The following CLEC16A variants were observed in gnomAD, a reference collection of about 807,000 sequenced individuals.
The protein encoded by CLEC16A is C-type lectin domain containing 16A.
Under a neutral mutation model 109.5 loss-of-function variants are expected in CLEC16A, and 51 were observed. That is an observed-to-expected ratio of 0.47 (90% CI 0.37 to 0.59). The LOEUF (loss-of-function observed/expected upper bound fraction) is 0.59, where lower values mean the gene tolerates loss of function less well. CLEC16A is among the 20% of genes least tolerant of loss of function. The pLI is 0.00. For synonymous variants in CLEC16A, 673 were observed against 564.2 expected (o/e 1.19, Z -2.73); for missense variants, 1,339 against 1,394.0 (o/e 0.96, Z 0.63).
intron 19 of CLEC16A, among the ~76,000 whole-genome samples, chr16:11,099,690 G>C (rs867936932): frequency 2.3e-4 from 35 of 152,270 alleles, no homozygotes; most frequent in Middle Eastern, 3.4e-3. Flanking sequence ...GGGCCCAGGC[G>C]TCCTCGTCTG....
intron 4 of CLEC16A, 133 bp from the exon 5 acceptor site, chr16:10,970,992 G>A (rs892337568): frequency 3.8e-5 from 24 of 626,748 alleles, no homozygotes; most frequent in African/African-American, 1.5e-4. Flanking sequence ...ACTGACTTAC[G>A]GTTCACATTG....
chr16:11,048,033 GTC>G (rs1403194548), intron 17 of CLEC16A: 1 of 152,260 alleles, frequency 6.6e-6, no homozygotes, highest in African/African-American at 2.4e-5. Flanking sequence ...ATTCTCATGT[GTC>G]TCACCATTCA....
intron 16 of CLEC16A, among the ~76,000 whole-genome samples, chr16:11,044,579 C>G (rs1412753939): frequency 6.6e-6 from 1 of 152,186 alleles, no homozygotes; most frequent in Non-Finnish European, 1.5e-5. Context: ...GCCACCATGA[C>G]TTTCAGTATC....
chr16:11,055,295 C>G (rs1358429800), intron 18 of CLEC16A, among the ~76,000 whole-genome samples: 3 of 152,210 alleles, frequency 2.0e-5, no homozygotes, highest in East Asian at 3.8e-4. Context: ...GAGGAGCGCT[C>G]CTCCTGCAGA....
At chr16:11,060,191 C>T (rs1369687748) in intron 18 of CLEC16A, among the ~76,000 whole-genome samples, 1 of 152,202 alleles carries the variant, frequency 6.6e-6, no homozygotes, top group African/African-American at 2.4e-5. Flanking sequence ...CACCTGTGCC[C>T]CTGGTCTGCT....
In CLEC16A at chr16:11,039,694, C is replaced by T. The variant is rs990341396; in HGVS notation, c.1538-60C>T. ...GGAAACCCCACTCTACAGGACCTTT[C>T]GGTATGAGGAGGTCAGGTAGTCAGG... On this transcript the variant is annotated intron_variant, in intron 13 of 23. Coordinates refer to ENST00000409790, the MANE Select transcript of CLEC16A (RefSeq NM_015226.3). The T allele has an allele frequency of 2.4e-5, 37 of 1,537,960 alleles. No homozygotes were observed. The Middle Eastern group carries it at 5.1e-4, about 21-fold the overall frequency.
chr16:11,123,645 T>C lies in CLEC16A; in HGVS notation c.2269-97T>C, dbSNP rs187542478. The C allele has an allele frequency of 2.6e-6, 3 of 1,153,730 alleles. No homozygotes were observed. In the East Asian group the frequency reaches 7.1e-5, roughly 27 times the overall value. The allele number at this position is 1,153,730 out of a possible 1,614,324, so 71.5% of individuals were successfully genotyped here. ...CTTAGATCAAAAGCAGAGATGAATTTGGAGACCTCTTTCTAGATGCCTCAT... is the reference window on the plus strand; with the variant it reads ...CTTAGATCAAAAGCAGAGATGAATTCGGAGACCTCTTTCTAGATGCCTCAT... On this transcript the variant is annotated intron_variant, in intron 20 of 23. Transcript: ENST00000409790.
At chr16:11,068,040 G>A (rs1479803741) in intron 19 of CLEC16A, among the ~76,000 whole-genome samples, 1 of 152,222 alleles carries the variant, frequency 6.6e-6, no homozygotes, top group Non-Finnish European at 1.5e-5. Context: ...TTCCAGGCCA[G>A]GACTTGCCTG....
rs563308182 is a variant in CLEC16A at position 11,088,013 on chromosome 16, C to A, written c.2116+26991C>A. 1.6e-4 allele frequency among the ~76,000 whole-genome samples: 25 copies of A among 152,360 alleles called. No individual in the cohort carries two copies. In the South Asian group the frequency reaches 4.6e-3, roughly 28 times the overall value. The stretch of plus-strand genomic sequence containing the variant: ...CCTCTGCAGCCTGAGAGTTTCAGAG[C>A]TCTTGCTACCTTCAGATCCTCTTTC... On this transcript the variant is annotated intron_variant, in intron 19 of 23. Coordinates refer to ENST00000409790, the MANE Select transcript of CLEC16A (RefSeq NM_015226.3).
chr16:11,179,124 T>G lies in CLEC16A; in HGVS notation c.*434T>G, dbSNP rs960247076. 6.0e-6 allele frequency: 1 copy of G among 166,548 alleles called. No homozygotes were observed. Among genetic ancestry groups the G allele is most frequent in the African/African-American group, 2.4e-5 (1 of 42,092 alleles). 10.3% of individuals were successfully genotyped at this position (166,548 alleles called of 1,614,324 possible). A position where few individuals can be genotyped will look rare whatever the true frequency, so the allele number is the denominator to read the frequency against. On this transcript the variant is annotated 3_prime_UTR_variant, in exon 24 of 24. Coordinates refer to ENST00000409790, the MANE Select transcript of CLEC16A (RefSeq NM_015226.3). The stretch of plus-strand genomic sequence containing the variant: ...AAGCAGACTTAGATAAACATCTCCT[T>G]TGGATATTTATTTCCGCTTTTGGCA...
chr16:11,054,370 C>T (rs547332388), intron 18 of CLEC16A, among the ~76,000 whole-genome samples: 1 of 152,334 alleles, frequency 6.6e-6, no homozygotes, highest in African/African-American at 2.4e-5. Context: ...GAGGACTCGG[C>T]AGCAAGCCAA....
At chr16:11,127,428 T>G (rs7201415) in intron 22 of CLEC16A, among the ~76,000 whole-genome samples, 106,751 of 152,036 alleles carry the variant, frequency 0.7, 38,877 homozygotes, top group African/African-American at 0.89. Context: ...TGCAAATTTC[T>G]CATGTCTGTG....
chr16:11,069,743 GA>G (rs2048961252), intron 19 of CLEC16A, among the ~76,000 whole-genome samples: 1 of 152,016 alleles, frequency 6.6e-6, no homozygotes. Context: ...TACCCAGACT[GA>G]AAATATTTTT....
intron 22 of CLEC16A, among the ~76,000 whole-genome samples, chr16:11,139,371 A>G (rs2053717807): frequency 6.6e-6 from 1 of 152,230 alleles, no homozygotes; most frequent in African/African-American, 2.4e-5. Context: ...CATGACTAAA[A>G]TACAGTTTTC....
rs373865850 is a variant in CLEC16A at position 11,075,378 on chromosome 16, C to CTGTGTGTGTG, written c.2116+14380_2116+14389dup. ...CCCAGCACTGTGACCTTGGATATGT[C>CTGTGTGTGTG]TGTGTGTGTGTGTGTGTGTGTGTGT... On this transcript the variant is annotated intron_variant, in intron 19 of 23. Transcript: ENST00000409790. Among the ~76,000 whole-genome samples, 42 of 134,694 alleles carry CTGTGTGTGTG rather than the reference C, an allele frequency of 3.1e-4. 1 individual carries two copies. Among genetic ancestry groups the CTGTGTGTGTG allele is most frequent in the South Asian group, 5.0e-4 (2 of 3,990 alleles). 88.4% of individuals were successfully genotyped at this position (134,694 alleles called of 152,430 possible). A position where few individuals can be genotyped will look rare whatever the true frequency, so the allele number is the denominator to read the frequency against.
intron 19 of CLEC16A, among the ~76,000 whole-genome samples, chr16:11,113,241 T>A (rs907720573): frequency 6.6e-6 from 1 of 152,258 alleles, no homozygotes; most frequent in Non-Finnish European, 1.5e-5. Context: ...GGCCTAGTGC[T>A]GCTCCCCAAC....
rs77662386 is a variant in CLEC16A, at chr16:11,176,078, C to T, written c.2807-2257C>T. ...TGTGTGAGTTTGTCACAGGTCTGCT[C>T]ATGCCCATTCGAAGCAAGGGCAGAG... On this transcript the variant is annotated intron_variant, in intron 23 of 23. Coordinates refer to ENST00000409790, the MANE Select transcript of CLEC16A (RefSeq NM_015226.3). 6.6e-5 allele frequency among the ~76,000 whole-genome samples: 10 copies of T among 152,352 alleles called. No homozygotes were observed. The East Asian group carries it at 1.9e-3, about 29-fold the overall frequency.
chr16:11,024,545 A>G (rs1334900455), intron 12 of CLEC16A: 2 of 361,584 alleles, frequency 5.5e-6, no homozygotes, highest in Non-Finnish European at 1.1e-5. Context: ...AGTTTGTATA[A>G]TTGATTCCCT....
chr16:11,103,915 G>A (rs1174158021), intron 19 of CLEC16A, among the ~76,000 whole-genome samples: 1 of 152,228 alleles, frequency 6.6e-6, no homozygotes, highest in Non-Finnish European at 1.5e-5. Context: ...GAGAATCTGG[G>A]TTGGATGTTA....
Sources: gnomAD v4.1 joint callset for allele counts (sites outside exome capture counted in the v4.1 genomes callset) on GRCh38, gnomAD v4.1.1 for gene constraint, MANE v1.5 for transcripts, NCBI Gene and HGNC (gene_info 2026-07-23, HGNC 2026-07-21) for gene names.